METTL15: variants seen among roughly 807,000 people sequenced by gnomAD.
METTL15 encodes the protein 12S rRNA N(4)-cytidine methyltransferase METTL15.
Under a neutral mutation model 38.3 loss-of-function variants are expected in METTL15, and 34 were observed. The observed-to-expected ratio is 0.89, with a 90% confidence interval of 0.68 to 1.18. The LOEUF is 1.18. METTL15 is among the 50% of genes most tolerant of loss of function. The probability of loss-of-function intolerance (pLI) is 0.00; values close to 1 mark genes in which losing one functional copy is unlikely to be tolerated. For missense variants in METTL15, 438 were observed against 498.4 expected, an observed-to-expected ratio of 0.88 and a Z score of 1.15; for synonymous variants, 162 against 170.9, an observed-to-expected ratio of 0.95 and a Z score of 0.41.
At chr11:28,490,594 C>T (rs757787526) in intron 6 of METTL15, among the ~76,000 whole-genome samples, 2 of 152,092 alleles carry the variant, frequency 1.3e-5, no homozygotes, top group Non-Finnish European at 2.9e-5. Context: ...TGGTCTCAGT[C>T]ATTTTTAAAG....
At chr11:28,179,645 A>G (rs998054980) in intron 3 of METTL15, among the ~76,000 whole-genome samples, 1 of 151,820 alleles carries the variant, frequency 6.6e-6, no homozygotes, top group Non-Finnish European at 1.5e-5. Flanking sequence ...ATGGCTATAC[A>G]GCAATTTATT....
downstream of METTL15, among the ~76,000 whole-genome samples, chr11:28,531,177 A>G (rs1025506943): frequency 1.3e-5 from 2 of 152,068 alleles, no homozygotes; most frequent in African/African-American, 2.4e-5. Context: ...ATTGATTACT[A>G]TATAATCTGA....
chr11:28,468,437 G>A (rs1158483462), intron 6 of METTL15, among the ~76,000 whole-genome samples: 1 of 152,154 alleles, frequency 6.6e-6, no homozygotes. Context: ...GGACAGCAAA[G>A]CATGTCAGGC....
At chr11:28,118,406 A>C (rs1852066234) in intron 3 of METTL15, among the ~76,000 whole-genome samples, 1 of 152,176 alleles carries the variant, frequency 6.6e-6, no homozygotes, top group Non-Finnish European at 1.5e-5. Flanking sequence ...AAATTAAAGA[A>C]ATTATAATTA....
At chr11:28,194,558 T>C (rs1307764505) in intron 3 of METTL15, among the ~76,000 whole-genome samples, 1 of 151,952 alleles carries the variant, frequency 6.6e-6, no homozygotes, top group African/African-American at 2.4e-5. Context: ...CCAAGCATGA[T>C]GACATATGTA....
At chr11:28,162,434 T>A (rs934212919) in intron 3 of METTL15, among the ~76,000 whole-genome samples, 38 of 152,164 alleles carry the variant, frequency 2.5e-4, no homozygotes, top group African/African-American at 9.2e-4. Context: ...TCAATAATGT[T>A]GCAAAGCCCA....
At chr11:28,218,999 G>A (rs776565579) in intron 4 of METTL15, among the ~76,000 whole-genome samples, 50 of 152,160 alleles carry the variant, frequency 3.3e-4, no homozygotes, top group Non-Finnish European at 5.3e-4. Flanking sequence ...ATGTTCATCA[G>A]GGATATTGTT....
At chr11:28,453,542 A>T (rs1851141247) in intron 6 of METTL15, among the ~76,000 whole-genome samples, 1 of 152,194 alleles carries the variant, frequency 6.6e-6, no homozygotes, top group Admixed American at 6.5e-5. Flanking sequence ...TCCTCCAAGG[A>T]TGTGGTATTA....
chr11:28,480,877 T>C (rs530849032), intron 6 of METTL15, among the ~76,000 whole-genome samples: 8 of 152,266 alleles, frequency 5.3e-5, no homozygotes, highest in African/African-American at 1.7e-4. Flanking sequence ...CCTACTCCCC[T>C]GCTGCATAGA....
At chr11:28,334,144 G>C (rs915859568), downstream of METTL15, among the ~76,000 whole-genome samples, 5 of 151,856 alleles carry the variant, frequency 3.3e-5, no homozygotes, top group African/African-American at 1.2e-4. Flanking sequence ...TGTTTAGGAA[G>C]AAATAAAAAA....
At chr11:28,367,885 C>G (rs553370233) in intron 5 of METTL15, among the ~76,000 whole-genome samples, 1 of 152,096 alleles carries the variant, frequency 6.6e-6, no homozygotes, top group Admixed American at 6.6e-5. Flanking sequence ...GGAAAACTGG[C>G]TAGCCATATG....
At chr11:28,441,796 G>A (rs1327757230) in intron 6 of METTL15, among the ~76,000 whole-genome samples, 1 of 152,028 alleles carries the variant, frequency 6.6e-6, no homozygotes, top group Non-Finnish European at 1.5e-5. Flanking sequence ...TAAAACCCAT[G>A]CCATTTAGCT....
chr11:28,216,513 GT>G (rs1387065987), intron 4 of METTL15, among the ~76,000 whole-genome samples: 7 of 152,098 alleles, frequency 4.6e-5, no homozygotes, highest in Admixed American at 3.9e-4. Flanking sequence ...GAATATACAA[GT>G]TCTATGAGAA....
intron 3 of METTL15, among the ~76,000 whole-genome samples, chr11:28,173,234 C>T (rs1850924933): frequency 6.6e-6 from 1 of 151,972 alleles, no homozygotes; most frequent in Admixed American, 6.6e-5. Context: ...CAATTCTTAC[C>T]TCCAGTGTGA....
At chr11:28,371,220 G>A (rs1407609040) in intron 5 of METTL15, among the ~76,000 whole-genome samples, 3 of 151,772 alleles carry the variant, frequency 2.0e-5, no homozygotes, top group Admixed American at 6.6e-5. Context: ...GAGAAATAGG[G>A]GTCTTGTTTT....
At chr11:28,162,687 A>G (rs560205333) in intron 3 of METTL15, among the ~76,000 whole-genome samples, 31 of 152,244 alleles carry the variant, frequency 2.0e-4, no homozygotes, top group African/African-American at 5.8e-4. Context: ...GGACTCTTCT[A>G]TTAGCCTATA....
chr11:28,527,030 A>G (rs1851817206), exon 8 of METTL15: 1 of 152,158 alleles, frequency 6.6e-6, no homozygotes, highest in Non-Finnish European at 1.5e-5. Flanking sequence ...ATAAAATACT[A>G]TCCTTTTCTC....
intron 6 of METTL15, among the ~76,000 whole-genome samples, chr11:28,434,240 A>G (rs1472505862): frequency 6.6e-6 from 1 of 152,176 alleles, no homozygotes; most frequent in Non-Finnish European, 1.5e-5. Context: ...CATCACATGA[A>G]GAAGGACGTG....
At chr11:28,286,852 A>G (rs565158946) in intron 4 of METTL15, among the ~76,000 whole-genome samples, 1 of 152,012 alleles carries the variant, frequency 6.6e-6, no homozygotes, top group East Asian at 1.9e-4. Context: ...AGGATTCTCC[A>G]GAGAAACAGA....
Sources: gnomAD v4.1 joint callset for allele counts (sites outside exome capture counted in the v4.1 genomes callset) on GRCh38, gnomAD v4.1.1 for gene constraint, MANE v1.5 for transcripts, NCBI Gene and HGNC (gene_info 2026-07-23, HGNC 2026-07-21) for gene names.